Variants in RANBP2 observed in about 807,000 individuals in gnomAD.
RANBP2 encodes E3 SUMO-protein ligase RanBP2.
A neutral mutation model predicts 303.6 loss-of-function variants in RANBP2; 57 were observed. The ratio of observed to expected loss-of-function variants is 0.19; its 90% CI spans 0.15 to 0.23. The LOEUF (loss-of-function observed/expected upper bound fraction) is 0.23. Among genes scored for constraint, RANBP2 ranks in the 10% least tolerant of loss-of-function variants. The probability of loss-of-function intolerance (pLI) is 1.00; values close to 1 mark genes in which losing one functional copy is unlikely to be tolerated. For missense variants in RANBP2, 3,138 were observed against 3,780.8 expected (o/e 0.83, Z 4.46); for synonymous variants, 1,167 against 1,301.5 (o/e 0.90, Z 2.23).
At chr2:109,625,087 C>CAAAAAAAAAAAAAAA in the RANBP2 span, among the ~76,000 whole-genome samples, 37 of 60,056 alleles carry the variant, frequency 6.2e-4, no homozygotes, top group African/African-American at 7.8e-4. Context: ...ACAACAACAA[C>CAAAAAAAAAAAAAAA]AAAAAAAAAA....
At chr2:109,764,792 G>C in the RANBP2 span, among the ~76,000 whole-genome samples, 1 of 124,850 alleles carries the variant, frequency 8.0e-6, no homozygotes, top group Non-Finnish European at 1.6e-5. Context: ...TTGAACAAGG[G>C]CTTTCATGGT....
chr2:109,301,639 A>G, the RANBP2 span, among the ~76,000 whole-genome samples: 1 of 152,194 alleles, frequency 6.6e-6, no homozygotes, highest in Non-Finnish European at 1.5e-5. Flanking sequence ...ACCTCAGGCC[A>G]TGCCGAGACC....
At chr2:108,738,501 A>C (rs1157545119) in intron 6 of RANBP2, among the ~76,000 whole-genome samples, 1 of 151,772 alleles carries the variant, frequency 6.6e-6, no homozygotes, top group Non-Finnish European at 1.5e-5. Context: ...CTGGGATTGC[A>C]GGTCTGAGCC....
chr2:108,938,029 T>C, the RANBP2 span, among the ~76,000 whole-genome samples: 1 of 147,842 alleles, frequency 6.8e-6, no homozygotes, highest in African/African-American at 2.5e-5. Flanking sequence ...GAAACACTTA[T>C]TTACTTCTAG....
the RANBP2 span, among the ~76,000 whole-genome samples, chr2:109,204,946 G>A: frequency 1.3e-5 from 2 of 152,192 alleles, no homozygotes; most frequent in Non-Finnish European, 2.9e-5. Flanking sequence ...GGTGGCTCAT[G>A]CCTGTAATCC....
intron 20 of RANBP2, among the ~76,000 whole-genome samples, chr2:108,771,349 A>G (rs558148619): frequency 6.6e-6 from 1 of 152,170 alleles, no homozygotes; most frequent in African/African-American, 2.4e-5. Flanking sequence ...TATTTTGGTA[A>G]ACTATTGTAT....
At chr2:109,574,443 TAAA>T in the RANBP2 span, 26,334 of 268,836 alleles carry the variant, frequency 0.098, 448 homozygotes, top group Non-Finnish European at 0.1. Context: ...ACTTTATCTC[TAAA>T]AAAAAAAAAA....
the RANBP2 span, among the ~76,000 whole-genome samples, chr2:108,959,317 T>C: frequency 6.6e-6 from 1 of 152,222 alleles, no homozygotes; most frequent in African/African-American, 2.4e-5. Context: ...GATGGAGAGA[T>C]GACCTGGTGT....
the RANBP2 span, among the ~76,000 whole-genome samples, chr2:109,728,085 G>A: frequency 2.0e-5 from 3 of 152,144 alleles, no homozygotes; most frequent in African/African-American, 7.2e-5. Context: ...GCTTGCTCTT[G>A]GAACCCAGCC....
chr2:109,136,532 A>G, the RANBP2 span, among the ~76,000 whole-genome samples: 1 of 152,128 alleles, frequency 6.6e-6, no homozygotes, highest in African/African-American at 2.4e-5. Context: ...AAGTTGCAGC[A>G]TGATTTGTAT....
the RANBP2 span, among the ~76,000 whole-genome samples, chr2:109,238,149 A>G: frequency 2.0e-5 from 3 of 152,164 alleles, no homozygotes; most frequent in African/African-American, 7.2e-5. Flanking sequence ...GCAGTGAACC[A>G]TGATCATGCG....
chr2:109,162,552 G>A, the RANBP2 span, among the ~76,000 whole-genome samples: 3 of 152,184 alleles, frequency 2.0e-5, no homozygotes, highest in Non-Finnish European at 4.4e-5. Flanking sequence ...CAAAGGACAT[G>A]AACTCATCAT....
At chr2:109,227,696 C>T in the RANBP2 span, among the ~76,000 whole-genome samples, 1 of 152,192 alleles carries the variant, frequency 6.6e-6, no homozygotes, top group African/African-American at 2.4e-5. Context: ...CCCTGCAGGT[C>T]ACAGGATCCA....
At chr2:109,484,121 T>C in the RANBP2 span, among the ~76,000 whole-genome samples, 9 of 149,742 alleles carry the variant, frequency 6.0e-5, no homozygotes, top group African/African-American at 2.2e-4. Context: ...TAGGCTGGAG[T>C]GCAGTGGCGT....
the RANBP2 span, among the ~76,000 whole-genome samples, chr2:109,091,323 C>G: frequency 3.9e-5 from 6 of 152,148 alleles, no homozygotes; most frequent in African/African-American, 1.4e-4. Flanking sequence ...TTGGTGTCCT[C>G]TCCTTTTACA....
chr2:109,733,062 C>CTT, the RANBP2 span: 1 of 556,480 alleles, frequency 1.8e-6, no homozygotes, highest in Non-Finnish European at 3.6e-6. Flanking sequence ...AGAAACTTGT[C>CTT]TTGTAGCCGG....
chr2:109,103,452 T>A, the RANBP2 span, among the ~76,000 whole-genome samples: 1 of 152,200 alleles, frequency 6.6e-6, no homozygotes, highest in South Asian at 2.1e-4. Flanking sequence ...AGGTATACAT[T>A]CGGTCCTGAA....
At chr2:109,156,055 C>T in the RANBP2 span, among the ~76,000 whole-genome samples, 1 of 152,236 alleles carries the variant, frequency 6.6e-6, no homozygotes, top group Admixed American at 6.5e-5. Context: ...ATCACCCGTA[C>T]TTTGGGAAGC....
chr2:109,291,753 C>A, the RANBP2 span, among the ~76,000 whole-genome samples: 1 of 152,220 alleles, frequency 6.6e-6, no homozygotes, highest in African/African-American at 2.4e-5. Context: ...AAGTGGGGAA[C>A]CTGAACTTGG....
Sources: allele counts gnomAD v4.1 joint callset (sites outside exome capture counted in the v4.1 genomes callset), GRCh38; gene constraint gnomAD v4.1.1; transcripts MANE v1.5; gene names NCBI Gene and HGNC (gene_info 2026-07-23, HGNC 2026-07-21).